The following ACTA2 variants were observed in gnomAD, a reference collection of about 807,000 sequenced individuals.
The protein encoded by ACTA2 is actin alpha 2, smooth muscle.
A neutral mutation model predicts 39.5 loss-of-function variants in ACTA2; 12 were observed. The ratio of observed to expected loss-of-function variants is 0.30; its 90% CI spans 0.19 to 0.49. The LOEUF (loss-of-function observed/expected upper bound fraction) is 0.49. Ranked by LOEUF, ACTA2 falls within the 20% of genes least tolerant of loss-of-function variation. The pLI, the probability that ACTA2 is intolerant of heterozygous loss-of-function variation, is 0.99. For missense variants in ACTA2, 236 were observed against 498.8 expected (o/e 0.47, Z 5.02); for synonymous variants, 158 against 180.6 (o/e 0.88, Z 1.00).
In ACTA2 at chr10:88,990,829, G is replaced by A; in HGVS notation, c.-24+110C>T. ...TCCCGCGGGTTGGTGGACCCGCTCA[G>A]TACGGAGTTGGGGAAGCTCTTTCAC... is the stretch of plus-strand genomic sequence containing the variant. On this transcript the variant is annotated intron_variant, in intron 1 of 4. Coordinates refer to the ACTA2 transcript ENST00000415557. The surrounding 1 kb of genome is among the most constrained non-coding windows in gnomAD (Gnocchi z 4.9). The A allele has an allele frequency of 3.1e-6, 5 of 1,614,058 alleles. No individual in the cohort carries two copies. Among genetic ancestry groups the A allele is most frequent in the Non-Finnish European group, 4.2e-6 (5 of 1,179,898 alleles).
intron 1 of ACTA2, among the ~76,000 whole-genome samples, chr10:88,981,112 T>A (rs1846700126): frequency 6.6e-6 from 1 of 152,124 alleles, no homozygotes; most frequent in South Asian, 2.1e-4. Context: ...CCCAGCAATA[T>A]CCAAGAGAGA....
rs935442904 is a variant in ACTA2 at position 88,939,271 on chromosome 10, C to T, written c.808+236G>A. 1.1e-5 allele frequency: 6 copies of T among 570,450 alleles called. No homozygotes were observed. The East Asian group carries it at 1.6e-4, about 15-fold the overall frequency. The allele number at this position is 570,450 out of a possible 1,614,324, so 35.3% of individuals were successfully genotyped here. On this transcript the variant is annotated intron_variant, in intron 7 of 8. Coordinates refer to ENST00000224784, the MANE Select transcript of ACTA2 (RefSeq NM_001613.4). ...GGCATTATTTAATTCTTTCATCATA[C>T]ACCATGAATGCTTTGGGCTTAACTG... is the stretch of plus-strand genomic sequence containing the variant.
intron 2 of ACTA2, among the ~76,000 whole-genome samples, chr10:88,948,005 A>G (rs144786304): frequency 6.6e-6 from 1 of 152,316 alleles, no homozygotes; most frequent in East Asian, 1.9e-4. Flanking sequence ...TTCTTAAAAA[A>G]TTATTGTTAC....
At chr10:88,942,324 A>G (rs1426302354) in intron 4 of ACTA2, among the ~76,000 whole-genome samples, 2 of 152,250 alleles carry the variant, frequency 1.3e-5, no homozygotes, top group Admixed American at 6.5e-5. Flanking sequence ...GACAACATCC[A>G]GGTTTTGATT....
intron 1 of ACTA2, among the ~76,000 whole-genome samples, chr10:88,971,264 T>A (rs894028265): frequency 6.6e-6 from 1 of 152,212 alleles, no homozygotes; most frequent in Non-Finnish European, 1.5e-5. Context: ...AAGTAACAGA[T>A]GATGTATCTG....
At chr10:88,978,262 GGGGGGA>G (rs1846620898) in intron 1 of ACTA2, among the ~76,000 whole-genome samples, 1 of 114,748 alleles carries the variant, frequency 8.7e-6, no homozygotes, top group Non-Finnish European at 1.8e-5. Flanking sequence ...GGTGGGGGGA[GGGGGGA>G]GGGATAGCAT....
chr10:88,991,116 G>A, exon 1 of ACTA2: 1 of 644,718 alleles, frequency 1.6e-6, no homozygotes, highest in Non-Finnish European at 2.7e-6. Context: ...AACGCTGGAG[G>A]ACTTGCTTTT....
rs1408138420 is a variant in ACTA2, at chr10:88,990,973, G to C, written c.-58C>G. 33 of 1,608,868 alleles carry C rather than the reference G, an allele frequency of 2.1e-5. No homozygotes were observed. Among genetic ancestry groups the C allele is most frequent in the Non-Finnish European group, 2.7e-5 (32 of 1,175,758 alleles). ...GTCCCGGGGATAGGCAAAGTGGGGC[G>C]GGCGCGGGACGCGTGCGGGATTGCG... On this transcript the variant is annotated 5_prime_UTR_variant, in exon 1 of 5. Coordinates refer to the ACTA2 transcript ENST00000415557. This position sits in a 1 kb window ranked among gnomAD's most constrained non-coding sequence, Gnocchi z 4.9.
At chr10:88,984,401 G>A (rs1179395795) in intron 1 of ACTA2, among the ~76,000 whole-genome samples, 2 of 152,080 alleles carry the variant, frequency 1.3e-5, no homozygotes, top group Non-Finnish European at 2.9e-5. Context: ...GAGTGAGTAG[G>A]AATGGATTAC....
intron 1 of ACTA2, among the ~76,000 whole-genome samples, chr10:88,975,512 A>G (rs1342971557): frequency 1.3e-5 from 2 of 152,194 alleles, no homozygotes; most frequent in Non-Finnish European, 2.9e-5. Context: ...CAGGTGGAAC[A>G]GTAGAGATGG....
chr10:88,950,512 A>G (rs1334545558), intron 1 of ACTA2, among the ~76,000 whole-genome samples: 5 of 152,258 alleles, frequency 3.3e-5, no homozygotes, highest in Admixed American at 3.3e-4. Context: ...AACTCTTTGC[A>G]AAGAACATAA....
intron 1 of ACTA2, among the ~76,000 whole-genome samples, chr10:88,963,724 G>C (rs1036618381): frequency 6.6e-6 from 1 of 151,304 alleles, no homozygotes; most frequent in African/African-American, 2.5e-5. Flanking sequence ...GAGTTGACAA[G>C]CTTGGGCATT....
At position 88,938,134 on chromosome 10, in the gene ACTA2, G is replaced by A; in HGVS notation, c.917C>T (p.Thr306Ile). Residue 306 changes from threonine to isoleucine, a missense_variant, in exon 8 of 9, where the codon ACT (threonine) becomes ATT (isoleucine). By Grantham distance (89) the Thr-to-Ile change is moderately conservative. Transcript: ENST00000224784. ...TCGGTCGGCAATGCCAGGGTACATA[G>A]TGGTGCCCCCTGATAGGACATTGTT... Reference protein sequence around the residue: ...YANNVLSGGTTMYPGIADRMQ... With the variant: ...YANNVLSGGTIMYPGIADRMQ... The A allele has an allele frequency of 6.2e-7, 1 of 1,614,040 alleles. No homozygotes were observed.
chr10:88,973,344 T>C (rs1343237186), intron 1 of ACTA2: 1 of 1,504,810 alleles, frequency 6.6e-7, no homozygotes. Context: ...GAGAAGGTGA[T>C]TAGGTAATCC....
chr10:88,963,222 A>G (rs906799285), intron 1 of ACTA2, among the ~76,000 whole-genome samples: 2 of 151,560 alleles, frequency 1.3e-5, no homozygotes, highest in Non-Finnish European at 1.5e-5. Flanking sequence ...AATTTCCAGG[A>G]TGCCAATTTT....
upstream of ACTA2, among the ~76,000 whole-genome samples, chr10:88,957,305 A>G (rs1846152855): frequency 6.6e-6 from 1 of 152,236 alleles, no homozygotes; most frequent in South Asian, 2.1e-4. Flanking sequence ...ATGAAAGAAC[A>G]AAATACATGT....
At chr10:88,974,911 TACAGATCAGCC>T (rs1400557315) in intron 1 of ACTA2, 1 of 152,192 alleles carries the variant, frequency 6.6e-6, no homozygotes, top group Non-Finnish European at 1.5e-5. Flanking sequence ...TGTAATACTG[TACAGATCAGCC>T]ACTTGCTGGC....
chr10:88,979,069 C>G (rs917001655), intron 1 of ACTA2, among the ~76,000 whole-genome samples: 6 of 152,032 alleles, frequency 3.9e-5, no homozygotes, highest in African/African-American at 1.4e-4. Context: ...CTCAGAAAAC[C>G]TTTTTATGTT....
At chr10:88,967,499 A>G (rs1846340349) in intron 1 of ACTA2, among the ~76,000 whole-genome samples, 1 of 152,174 alleles carries the variant, frequency 6.6e-6, no homozygotes, top group African/African-American at 2.4e-5. Context: ...GGTGACTTTC[A>G]ATATTCTATT....
Sources: gnomAD v4.1 joint callset for allele counts (sites outside exome capture counted in the v4.1 genomes callset) on GRCh38, gnomAD v4.1.1 for gene constraint, Gnocchi (gnomAD v3.1) non-coding constraint, MANE v1.5 for transcripts, NCBI Gene and HGNC (gene_info 2026-07-23, HGNC 2026-07-21) for gene names.